The following SLC22A15 variants were observed in gnomAD, a reference collection of about 807,000 sequenced individuals.
SLC22A15 encodes the protein solute carrier family 22 member 15.
Under a neutral mutation model 62.7 loss-of-function variants are expected in SLC22A15, and 45 were observed. That is an observed-to-expected ratio of 0.72 (90% CI 0.56 to 0.92). The LOEUF (loss-of-function observed/expected upper bound fraction) is 0.92, where lower values mean the gene tolerates loss of function less well. SLC22A15 is among the 40% of genes least tolerant of loss of function. SLC22A15 has a pLI of 0.00. For missense variants in SLC22A15, 622 were observed against 665.6 expected, an observed-to-expected ratio of 0.93 and a Z score of 0.72; for synonymous variants, 264 against 267.0, an observed-to-expected ratio of 0.99 and a Z score of 0.11.
Position 116,068,374 on chromosome 1 carries a change from G to A in SLC22A15, c.*1266G>A, listed in dbSNP as rs1658544642. ...GAATTTCCATTTCTACTAACCTCTT[G>A]GAGAAAAAGAAATTGAATTAGAGGT... On this transcript the variant is annotated 3_prime_UTR_variant, in exon 12 of 12. Coordinates refer to ENST00000369503, the MANE Select transcript of SLC22A15 (RefSeq NM_018420.3). 6.6e-6 allele frequency: 1 copy of A among 152,558 alleles called. No homozygotes were observed. The highest frequency in any genetic ancestry group is 2.4e-5 in the African/African-American group (1 of 41,426). The allele number at this position is 152,558 out of a possible 1,614,324, so 9.5% of individuals were successfully genotyped here.
At chr1:116,003,512 G>A (rs1438151704) in intron 2 of SLC22A15, among the ~76,000 whole-genome samples, 1 of 152,198 alleles carries the variant, frequency 6.6e-6, no homozygotes, top group Non-Finnish European at 1.5e-5. Context: ...ACTGGGATGG[G>A]CGATTCCTCT....
At chr1:116,039,801 CT>C (rs1657733725) in intron 8 of SLC22A15, among the ~76,000 whole-genome samples, 1 of 151,962 alleles carries the variant, frequency 6.6e-6, no homozygotes, top group Non-Finnish European at 1.5e-5. Flanking sequence ...GTTCTTTAAA[CT>C]TTCTTTAAAC....
chr1:116,020,932 A>G, intron 4 of SLC22A15, 47 bp downstream of exon 4: 4 of 1,518,306 alleles, frequency 2.6e-6, no homozygotes, highest in Non-Finnish European at 3.5e-6. Context: ...CAGCTCCAGA[A>G]AATTTTATAG....
chr1:116,061,229 G>A lies in SLC22A15; in HGVS notation c.1172-1533G>A, dbSNP rs147536525. Among the ~76,000 whole-genome samples, 1,045 of 152,312 alleles carry A rather than the reference G, an allele frequency of 6.9e-3. 7 individuals carry two copies. The highest frequency in any genetic ancestry group is 0.011 in the Non-Finnish European group (772 of 68,020). On this transcript the variant is annotated intron_variant, in intron 8 of 11. Transcript: ENST00000369503. ...CAATTTGGACAGGCAAGATGGAAAAGTAAGCAGCCACAAGGCAGTGTCTGA... is the reference window on the plus strand; with the variant it reads ...CAATTTGGACAGGCAAGATGGAAAAATAAGCAGCCACAAGGCAGTGTCTGA...
intron 8 of SLC22A15, among the ~76,000 whole-genome samples, chr1:116,046,487 T>C (rs1657933197): frequency 6.6e-6 from 1 of 152,180 alleles, no homozygotes; most frequent in African/African-American, 2.4e-5. Context: ...TTCAACATCA[T>C]CAGACATTAG....
intron 5 of SLC22A15, among the ~76,000 whole-genome samples, chr1:116,028,536 TTTTTTTTTTTTTA>T (rs1234297761): frequency 3.5e-5 from 4 of 115,380 alleles, no homozygotes; most frequent in Non-Finnish European, 5.4e-5. Context: ...TTTTTTTTTT[TTTTTTTTTTTTTA>T]AAATATATAG....
chr1:115,999,977 T>G (rs1655639374), intron 2 of SLC22A15, among the ~76,000 whole-genome samples: 1 of 152,172 alleles, frequency 6.6e-6, no homozygotes, highest in Non-Finnish European at 1.5e-5. Flanking sequence ...ATCCCTTTAT[T>G]TTCAGTCTAT....
At chr1:116,027,127 C>A in intron 5 of SLC22A15, 105 bp downstream of exon 5, 1 of 1,135,504 alleles carries the variant, frequency 8.8e-7, no homozygotes. Context: ...AGCTTGCCTG[C>A]ACTGACTTTG....
intron 1 of SLC22A15, among the ~76,000 whole-genome samples, chr1:115,989,651 G>A (rs1655052616): frequency 2.6e-5 from 4 of 151,966 alleles, no homozygotes; most frequent in Admixed American, 2.0e-4. Flanking sequence ...TGCATTGGCA[G>A]GTACCTGTAA....
intron 8 of SLC22A15, among the ~76,000 whole-genome samples, chr1:116,059,624 A>G (rs12566568): frequency 0.2 from 30,770 of 152,144 alleles, 3,971 homozygotes; most frequent in East Asian, 0.45. Context: ...GCTTTTTATA[A>G]AAAGCCAGAG....
chr1:116,036,324 CTT>C (rs755614053), intron 7 of SLC22A15, among the ~76,000 whole-genome samples: 7 of 152,138 alleles, frequency 4.6e-5, no homozygotes, highest in African/African-American at 7.2e-5. Flanking sequence ...ATGGGGGTAT[CTT>C]ATGTGTCTTT....
At position 115,990,074 on chromosome 1, in the gene SLC22A15, G is replaced by A. The variant is rs117924077; in HGVS notation, c.88-1957G>A. Reference sequence around the variant, plus strand: ...GTTCATGCTCTCAAAAGTCTAGATGGAGCTTTAGGAGTGAGCAGCAAGAAA... The same window carrying A: ...GTTCATGCTCTCAAAAGTCTAGATGAAGCTTTAGGAGTGAGCAGCAAGAAA... On this transcript the variant is annotated intron_variant, in intron 1 of 11. Coordinates refer to ENST00000369503, the MANE Select transcript of SLC22A15 (RefSeq NM_018420.3). Among the ~76,000 whole-genome samples, 68 of 152,326 alleles carry A rather than the reference G, an allele frequency of 4.5e-4. 2 individuals carry two copies. In the East Asian group the frequency reaches 0.011, roughly 25 times the overall value.
rs1399109533 is a variant in SLC22A15 at position 116,048,666 on chromosome 1, A to G, written c.1171+11278A>G. On this transcript the variant is annotated intron_variant, in intron 8 of 11. Transcript: ENST00000369503. The stretch of plus-strand genomic sequence containing the variant: ...AATCACACAGGACCTATAAAACAAA[A>G]TACGAGTTAAAAAGCAAAAACAACA... Among the ~76,000 whole-genome samples the G allele has an allele frequency of 3.9e-5, 6 of 152,332 alleles. No individual in the cohort carries two copies. The East Asian group carries it at 1.2e-3, about 29-fold the overall frequency.
Position 116,039,338 on chromosome 1 carries a change from G to A in SLC22A15, c.1171+1950G>A, listed in dbSNP as rs546062924. Among the ~76,000 whole-genome samples, 9 of 152,248 alleles carry A rather than the reference G, an allele frequency of 5.9e-5. No homozygotes were observed. The East Asian group carries it at 1.4e-3, about 23-fold the overall frequency. ...ACCTAAGGTCAGGAGTTCGAGACCA[G>A]CCTGGCCAACATGGTGAAACCCCAT... On this transcript the variant is annotated intron_variant, in intron 8 of 11. Coordinates refer to ENST00000369503, the MANE Select transcript of SLC22A15 (RefSeq NM_018420.3).
At chr1:115,987,470 A>C (rs556695427) in intron 1 of SLC22A15, among the ~76,000 whole-genome samples, 1 of 152,226 alleles carries the variant, frequency 6.6e-6, no homozygotes, top group East Asian at 1.9e-4. Context: ...TAGATAGATT[A>C]AAATGAGGAA....
In SLC22A15 at chr1:116,037,330, A is replaced by G. The variant is rs138938338; in HGVS notation, c.1113A>G (p.Ala371=). 5.7e-3 allele frequency: 9,192 copies of G among 1,613,330 alleles called. 37 individuals carry two copies. Among genetic ancestry groups the G allele is most frequent in the Non-Finnish European group, 7.1e-3 (8,346 of 1,179,386 alleles). ...KWFGRKRTLS[A]FLCLGGLACL... is the part of the protein sequence containing the mutation. Reference sequence around the variant, plus strand: ...TTGGTCGGAAGCGAACATTATCAGCATTTCTGTGCCTAGGAGGACTGGCTT... The same window carrying G: ...TTGGTCGGAAGCGAACATTATCAGCGTTTCTGTGCCTAGGAGGACTGGCTT... Residue 371 remains alanine, a synonymous_variant, in exon 8 of 12, where the codon GCA becomes GCG. Transcript: ENST00000369503.
chr1:116,054,699 A>C (rs1196207994), intron 8 of SLC22A15, among the ~76,000 whole-genome samples: 1 of 152,244 alleles, frequency 6.6e-6, no homozygotes, highest in Non-Finnish European at 1.5e-5. Flanking sequence ...AAATTATAAC[A>C]AACTGCCTCA....
In SLC22A15 at chr1:116,031,392, T is replaced by G; in HGVS notation, c.755T>G (p.Leu252Ter). 1 of 1,613,624 alleles carries G rather than the reference T, an allele frequency of 6.2e-7. No homozygotes were observed. The highest frequency in any genetic ancestry group is 8.5e-7 in the Non-Finnish European group (1 of 1,179,836). ...TTCATTCCTGAATCACCTCGTTGGT[T>G]ATACTCCCAGGGTCGACTGAGTGAG... ...SLFIPESPRW[L>*]YSQGRLSEAE... The change falls in exon 6 of 12, where the codon TTA (leucine) becomes TGA (stop). Residue 252 changes from leucine (L) to a stop codon, truncating the protein, a stop_gained. Transcript: ENST00000369503. LOFTEE classifies it high-confidence loss of function.
chr1:116,046,736 G>A lies in SLC22A15; in HGVS notation c.1171+9348G>A, dbSNP rs115969980. Among the ~76,000 whole-genome samples, 536 of 152,264 alleles carry A rather than the reference G, an allele frequency of 3.5e-3. 1 individual carries two copies. Among genetic ancestry groups the A allele is most frequent in the African/African-American group, 0.012 (518 of 41,552 alleles). ...TCCAAATACTGAGTGCCCCAATTTCGGAAGTGGGAAAGGGAGATCCTCCTC... is the reference window on the plus strand; with the variant it reads ...TCCAAATACTGAGTGCCCCAATTTCAGAAGTGGGAAAGGGAGATCCTCCTC... On this transcript the variant is annotated intron_variant, in intron 8 of 11. Coordinates refer to ENST00000369503, the MANE Select transcript of SLC22A15 (RefSeq NM_018420.3).
Sources: allele counts gnomAD v4.1 joint callset (sites outside exome capture counted in the v4.1 genomes callset), GRCh38; gene constraint gnomAD v4.1.1; transcripts MANE v1.5; gene names NCBI Gene and HGNC (gene_info 2026-07-23, HGNC 2026-07-21).